Variants in FBXL17 observed in about 807,000 individuals in gnomAD.
The protein encoded by FBXL17 is F-box and leucine rich repeat protein 17.
Under a neutral mutation model 66.2 loss-of-function variants are expected in FBXL17, and 22 were observed. The ratio of observed to expected loss-of-function variants is 0.33; its 90% CI spans 0.24 to 0.47. The LOEUF is 0.47. Among genes scored for constraint, FBXL17 ranks in the 20% least tolerant of loss-of-function variants. The pLI is 1.00. For missense variants in FBXL17, 878 were observed against 948.2 expected (o/e 0.93, Z 0.97); for synonymous variants, 474 against 400.5 (o/e 1.18, Z -2.19).
intron 6 of FBXL17, among the ~76,000 whole-genome samples, chr5:108,099,600 T>C (rs986232289): frequency 3.3e-5 from 5 of 152,148 alleles, no homozygotes; most frequent in Admixed American, 1.3e-4. Context: ...TTCATGTTTG[T>C]ACAGATTTTC....
At chr5:107,990,995 T>C (rs1311974948) in intron 7 of FBXL17, among the ~76,000 whole-genome samples, 1 of 149,948 alleles carries the variant, frequency 6.7e-6, no homozygotes, top group Non-Finnish European at 1.5e-5. Flanking sequence ...GCTGAAATCT[T>C]TTGTTTTTAT....
chr5:107,899,335 A>G (rs1749489956), intron 7 of FBXL17, among the ~76,000 whole-genome samples: 1 of 152,126 alleles, frequency 6.6e-6, no homozygotes, highest in Admixed American at 6.5e-5. Flanking sequence ...GGCCATCAGT[A>G]GTTAACTTGG....
chr5:108,064,138 C>A (rs1240846386), intron 6 of FBXL17, among the ~76,000 whole-genome samples: 2 of 151,782 alleles, frequency 1.3e-5, no homozygotes, highest in Non-Finnish European at 2.9e-5. Context: ...AGCTTCTGAC[C>A]CCTTAACATT....
chr5:107,911,962 A>C (rs1440184894), intron 7 of FBXL17, among the ~76,000 whole-genome samples: 1 of 152,162 alleles, frequency 6.6e-6, no homozygotes, highest in African/African-American at 2.4e-5. Context: ...TTAAAATGTC[A>C]CTGAAAGGAC....
At chr5:108,277,752 A>G (rs1381483046) in intron 4 of FBXL17, among the ~76,000 whole-genome samples, 2 of 152,244 alleles carry the variant, frequency 1.3e-5, no homozygotes, top group African/African-American at 4.8e-5. Flanking sequence ...TCAGTTCCAG[A>G]CCACCACAAT....
intron 7 of FBXL17, among the ~76,000 whole-genome samples, chr5:107,994,030 AC>A (rs750882130): frequency 2.0e-4 from 31 of 152,178 alleles, no homozygotes; most frequent in Non-Finnish European, 4.3e-4. Context: ...TTAAAATCAT[AC>A]TAAAATTATA....
At chr5:108,310,210 G>C (rs990483939) in intron 4 of FBXL17, among the ~76,000 whole-genome samples, 1 of 152,060 alleles carries the variant, frequency 6.6e-6, no homozygotes, top group Non-Finnish European at 1.5e-5. Flanking sequence ...CACAAAACAT[G>C]TAAGACCTCC....
intron 4 of FBXL17, among the ~76,000 whole-genome samples, chr5:108,237,338 G>T (rs2150094784): frequency 6.6e-6 from 1 of 152,302 alleles, no homozygotes; most frequent in South Asian, 2.1e-4. Flanking sequence ...GATGTGAAGA[G>T]TCCTAGCTCC....
At chr5:107,973,662 T>C (rs1299434808) in intron 7 of FBXL17, among the ~76,000 whole-genome samples, 1 of 152,114 alleles carries the variant, frequency 6.6e-6, no homozygotes, top group Non-Finnish European at 1.5e-5. Context: ...GCATTCCAAG[T>C]GTTTGTAACT....
chr5:108,269,811 C>T (rs913983497), intron 4 of FBXL17, among the ~76,000 whole-genome samples: 2 of 152,050 alleles, frequency 1.3e-5, no homozygotes, highest in Admixed American at 6.6e-5. Context: ...AGAAAATTTG[C>T]TGAAATCTTT....
At chr5:108,378,253 T>G (rs1364933016) in intron 1 of FBXL17, among the ~76,000 whole-genome samples, 2 of 152,084 alleles carry the variant, frequency 1.3e-5, no homozygotes, top group Non-Finnish European at 2.9e-5. Flanking sequence ...GTATGGTAGC[T>G]TTCCCAAAAA....
intron 6 of FBXL17, among the ~76,000 whole-genome samples, chr5:108,042,879 A>C (rs1250527991): frequency 6.6e-6 from 1 of 152,198 alleles, no homozygotes. Context: ...CCAGTTTCTT[A>C]ACATCCTCAA....
chr5:108,316,304 T>C (rs773819610), intron 4 of FBXL17, among the ~76,000 whole-genome samples: 11 of 151,480 alleles, frequency 7.3e-5, no homozygotes, highest in Non-Finnish European at 1.6e-4. Context: ...AAGAATTCAA[T>C]GTGAACTATA....
intron 7 of FBXL17, among the ~76,000 whole-genome samples, chr5:107,985,008 T>C (rs946211428): frequency 2.6e-5 from 4 of 152,202 alleles, no homozygotes; most frequent in African/African-American, 9.6e-5. Context: ...ACTATGTCAT[T>C]GTGCCAGAAG....
intron 6 of FBXL17, among the ~76,000 whole-genome samples, chr5:108,081,647 C>A (rs900784993): frequency 6.6e-6 from 1 of 152,012 alleles, no homozygotes; most frequent in East Asian, 1.9e-4. Flanking sequence ...GGCGTGAACC[C>A]GGGAGGCGGA....
intron 6 of FBXL17, among the ~76,000 whole-genome samples, chr5:108,172,645 ACCAAGATCCAGACTCAACGT>A (rs1365139802): frequency 6.6e-6 from 1 of 152,168 alleles, no homozygotes; most frequent in African/African-American, 2.4e-5. Context: ...TCAACAGAAG[ACCAAGATCCAGACTCAACGT>A]CTGATACCAT....
At chr5:107,954,655 T>C (rs987207320) in intron 7 of FBXL17, among the ~76,000 whole-genome samples, 1 of 152,158 alleles carries the variant, frequency 6.6e-6, no homozygotes, top group South Asian at 2.1e-4. Flanking sequence ...CCATGGCATA[T>C]TCATGAGTCT....
chr5:108,299,773 C>A, intron 4 of FBXL17: 1 of 984,742 alleles, frequency 1.0e-6, no homozygotes, highest in Non-Finnish European at 1.2e-6. Context: ...ATGTGAAATT[C>A]GGAAGGCTCC....
At chr5:108,294,520 T>C (rs1252277434) in intron 4 of FBXL17, among the ~76,000 whole-genome samples, 1 of 151,966 alleles carries the variant, frequency 6.6e-6, no homozygotes. Flanking sequence ...GAGAACTGTC[T>C]AGGTTCAGAA....
Sources: gnomAD v4.1 joint callset for allele counts (sites outside exome capture counted in the v4.1 genomes callset) on GRCh38, gnomAD v4.1.1 for gene constraint, MANE v1.5 for transcripts, NCBI Gene and HGNC (gene_info 2026-07-23, HGNC 2026-07-21) for gene names.